The following PLCH1 variants were observed in gnomAD, a reference collection of about 807,000 sequenced individuals.
PLCH1 encodes phospholipase C eta 1, also known as 1-phosphatidylinositol 4,5-bisphosphate phosphodiesterase eta-1.
Under a neutral mutation model 126.7 loss-of-function variants are expected in PLCH1, and 60 were observed. The ratio of observed to expected loss-of-function variants is 0.47; its 90% CI spans 0.38 to 0.59. The LOEUF (loss-of-function observed/expected upper bound fraction) is 0.59. PLCH1 is among the 20% of genes least tolerant of loss of function. The probability of loss-of-function intolerance (pLI) is 0.00; values close to 1 mark genes in which losing one functional copy is unlikely to be tolerated. For missense variants in PLCH1, 1,723 were observed against 2,040.0 expected (o/e 0.84, Z 2.99); for synonymous variants, 719 against 734.9 (o/e 0.98, Z 0.35).
At chr3:155,726,028 T>C (rs1204267226) in intron 1 of PLCH1, among the ~76,000 whole-genome samples, 4 of 152,226 alleles carry the variant, frequency 2.6e-5, no homozygotes, top group Non-Finnish European at 4.4e-5. Flanking sequence ...TATCGAAGTC[T>C]CAATAATCAT....
At chr3:155,455,110 A>C (rs539190672) in intron 21 of PLCH1, among the ~76,000 whole-genome samples, 1 of 152,322 alleles carries the variant, frequency 6.6e-6, no homozygotes, top group East Asian at 1.9e-4. Context: ...TAATATAATT[A>C]ATACCCATAA....
intron 2 of PLCH1, among the ~76,000 whole-genome samples, chr3:155,647,385 T>C (rs1577233270): frequency 6.6e-6 from 1 of 151,764 alleles, no homozygotes; most frequent in African/African-American, 2.4e-5. Context: ...TTAATAAGAA[T>C]GTTTCTGGGG....
intron 10 of PLCH1, among the ~76,000 whole-genome samples, chr3:155,544,634 G>C (rs1000393673): frequency 6.6e-6 from 1 of 151,990 alleles, no homozygotes; most frequent in Non-Finnish European, 1.5e-5. Flanking sequence ...CACATACTTG[G>C]AAGTAAAGCT....
intron 15 of PLCH1, among the ~76,000 whole-genome samples, chr3:155,495,085 A>T (rs937994355): frequency 2.6e-5 from 4 of 152,200 alleles, no homozygotes; most frequent in Non-Finnish European, 5.9e-5. Flanking sequence ...ACAAGTCAAA[A>T]CCTATTTGGG....
chr3:155,619,267 C>T (rs1392714080), intron 2 of PLCH1, among the ~76,000 whole-genome samples: 1 of 101,634 alleles, frequency 9.8e-6, no homozygotes, highest in Non-Finnish European at 1.9e-5. Context: ...CTATAGTGTA[C>T]AGTACAGGAG....
rs369605012 is a variant in PLCH1, at chr3:155,566,338, TACAC to T, written c.866-1224_866-1221del. Among the ~76,000 whole-genome samples the T allele has an allele frequency of 5.1e-4, 5 of 9,770 alleles. 2 individuals carry two copies. Among genetic ancestry groups the T allele is most frequent in the Admixed American group, 1.6e-3 (2 of 1,254 alleles). The allele number at this position is 9,770 out of a possible 152,430, so 6.4% of individuals were successfully genotyped here. A position where few individuals can be genotyped will look rare whatever the true frequency, so the allele number is the denominator to read the frequency against. Reference sequence around the variant, plus strand: ...ATATATACATATATATACGTATATATACACATATATATACATATATATACACACA... The same window carrying T: ...ATATATACATATATATACGTATATATATATATATACATATATATACACACA... On this transcript the variant is annotated intron_variant, in intron 7 of 22. Transcript: ENST00000460012.
intron 2 of PLCH1, among the ~76,000 whole-genome samples, chr3:155,688,454 C>A (rs752120855): frequency 6.6e-6 from 1 of 152,216 alleles, no homozygotes; most frequent in Non-Finnish European, 1.5e-5. Context: ...GATGGCAGAA[C>A]AGAAGCCTAC....
chr3:155,529,218 A>T (rs1266892009), intron 10 of PLCH1, among the ~76,000 whole-genome samples: 1 of 152,180 alleles, frequency 6.6e-6, no homozygotes, highest in Non-Finnish European at 1.5e-5. Flanking sequence ...ATATGGAAAT[A>T]TTGCTAGAGA....
chr3:155,501,024 C>T (rs1018780932), intron 13 of PLCH1, among the ~76,000 whole-genome samples: 14 of 152,112 alleles, frequency 9.2e-5, no homozygotes, highest in East Asian at 1.9e-4. Context: ...AAACTGACTT[C>T]GGAGACACAT....
rs749325703 is a variant in PLCH1 at position 155,482,455 on chromosome 3, G to C, written c.3571C>G (p.Leu1191Val). ...TTGGTCTCATCAAACTGGCCAATCA[G>C]GGCTGAGATGGAACTGCCCGGCTCA... ...ENEPGSSISA[L>V]IGQFDETNNQ... Residue 1191 changes from leucine (L) to valine (V), a missense_variant, in exon 23 of 23, where the codon CTG (leucine) becomes GTG (valine). Around this residue, in one of 2 missense-constraint regions of PLCH1, gnomAD observed 947 missense variants for 977.1 expected, o/e 0.97. Transcript: ENST00000460012. 2 of 1,614,158 alleles carry C rather than the reference G, an allele frequency of 1.2e-6. No homozygotes were observed. The highest frequency in any genetic ancestry group is 1.7e-5 in the Admixed American group (1 of 60,018).
rs375940671 is a variant in PLCH1, at chr3:155,583,435, T to A, written c.771+37A>T. 4.6e-6 allele frequency: 7 copies of A among 1,508,678 alleles called. No individual in the cohort carries two copies. In the African/African-American group the frequency reaches 5.7e-5, roughly 12 times the overall value. The allele number at this position is 1,508,678 out of a possible 1,614,324, so 93.5% of individuals were successfully genotyped here. On this transcript the variant is annotated intron_variant, in intron 6 of 22. Coordinates refer to ENST00000460012, the MANE Select transcript of PLCH1 (RefSeq NM_014996.4). ...AGAAAGACATATCTTTCATGAGTAC[T>A]TTTAAGTAAACTTTCATTTTAACAG...
At chr3:155,541,512 T>C (rs1451827355) in intron 10 of PLCH1, among the ~76,000 whole-genome samples, 2 of 152,178 alleles carry the variant, frequency 1.3e-5, no homozygotes, top group East Asian at 3.9e-4. Flanking sequence ...CAGGGAGAAC[T>C]GAGGAGTGGG....
chr3:155,486,247 G>C (rs1560053368), intron 21 of PLCH1: 1 of 1,305,164 alleles, frequency 7.7e-7, no homozygotes. Flanking sequence ...ACACAATTGG[G>C]GCTCATTGAA....
chr3:155,506,345 C>CTTTTTT (rs57746252), intron 12 of PLCH1, among the ~76,000 whole-genome samples: 1 of 130,700 alleles, frequency 7.7e-6, no homozygotes, highest in African/African-American at 2.9e-5. Flanking sequence ...TTCTCACTCT[C>CTTTTTT]TTTTTTTTTT....
intron 10 of PLCH1, among the ~76,000 whole-genome samples, chr3:155,548,815 A>G (rs921843299): frequency 3.3e-5 from 5 of 152,204 alleles, no homozygotes; most frequent in African/African-American, 9.6e-5. Context: ...TTCAGAATCT[A>G]TAATTTTATT....
At chr3:155,724,750 A>G (rs1048088756) in intron 1 of PLCH1, among the ~76,000 whole-genome samples, 2 of 150,804 alleles carry the variant, frequency 1.3e-5, no homozygotes, top group African/African-American at 4.9e-5. Flanking sequence ...CAATGTTAGT[A>G]TTGAGATGTG....
intron 4 of PLCH1, among the ~76,000 whole-genome samples, chr3:155,591,583 G>GA (rs1732177855): frequency 6.6e-6 from 1 of 152,026 alleles, no homozygotes; most frequent in South Asian, 2.1e-4. Flanking sequence ...GTTTTGCTTT[G>GA]AAAAAATACT....
chr3:155,497,067 G>C (rs1717144897), intron 15 of PLCH1, among the ~76,000 whole-genome samples: 1 of 152,150 alleles, frequency 6.6e-6, no homozygotes, highest in Admixed American at 6.5e-5. Context: ...TCTTTGTATA[G>C]TAATAAAGTC....
Position 155,718,971 on chromosome 3 carries a change from T to C in PLCH1, c.-40-14707A>G, listed in dbSNP as rs117780625. 3.3e-4 allele frequency among the ~76,000 whole-genome samples: 51 copies of C among 152,332 alleles called. 1 individual carries two copies. In the East Asian group the frequency reaches 9.4e-3, roughly 28 times the overall value. ...GAAGTCATGTTATTTCATGACTATATATTTCAAATATATTTGAAGTCATAT... is the reference window on the plus strand; with the variant it reads ...GAAGTCATGTTATTTCATGACTATACATTTCAAATATATTTGAAGTCATAT... On this transcript the variant is annotated intron_variant, in intron 1 of 22. Transcript: ENST00000460012.
Sources: gnomAD v4.1 joint callset for allele counts (sites outside exome capture counted in the v4.1 genomes callset) on GRCh38, gnomAD v4.1.1 for gene constraint, gnomAD v4.1.1 regional missense constraint, MANE v1.5 for transcripts, NCBI Gene and HGNC (gene_info 2026-07-23, HGNC 2026-07-21) for gene names.